The following LNPEP variants were observed in gnomAD, a reference collection of about 807,000 sequenced individuals.
LNPEP encodes leucyl and cystinyl aminopeptidase.
Under a neutral mutation model 120.6 loss-of-function variants are expected in LNPEP, and 64 were observed. The ratio of observed to expected loss-of-function variants is 0.53; its 90% CI spans 0.43 to 0.65. LNPEP has a LOEUF of 0.65. Among genes scored for constraint, LNPEP ranks in the 30% least tolerant of loss-of-function variants. The pLI is 0.00. For synonymous variants in LNPEP, 435 were observed against 425.4 expected (o/e 1.02, Z -0.28); for missense variants, 1,057 against 1,200.0 (o/e 0.88, Z 1.76).
At chr5:97,005,545 G>A (rs1056049657) in intron 9 of LNPEP, among the ~76,000 whole-genome samples, 4 of 152,144 alleles carry the variant, frequency 2.6e-5, no homozygotes, top group African/African-American at 9.7e-5. Context: ...CTCTTCTGCT[G>A]CCGCTGCTCC....
At chr5:96,995,573 G>GGGTGCTAAAAAGGT (rs1790497348) in intron 6 of LNPEP, among the ~76,000 whole-genome samples, 1 of 151,456 alleles carries the variant, frequency 6.6e-6, no homozygotes, top group African/African-American at 2.4e-5. Flanking sequence ...CTGTCACCCA[G>GGGTGCTAAAAAGGT]GCTGGAATGC....
At position 97,033,095 on chromosome 5, in the gene LNPEP, T is replaced by C. The variant is rs1230197171; in HGVS notation, c.*4562T>C. The C allele has an allele frequency of 6.6e-6, 1 of 152,170 alleles. No homozygotes were observed. Among genetic ancestry groups the C allele is most frequent in the Non-Finnish European group, 1.5e-5 (1 of 68,034 alleles). 9.4% of individuals were successfully genotyped at this position (152,170 alleles called of 1,614,324 possible). A position where few individuals can be genotyped will look rare whatever the true frequency, so the allele number is the denominator to read the frequency against. On this transcript the variant is annotated 3_prime_UTR_variant, in exon 18 of 18. Coordinates refer to ENST00000231368, the MANE Select transcript of LNPEP (RefSeq NM_005575.3). ...TTGGGGTGTGGGGGAGAGTGGAGTATGTACTTAATGTATATAAATAAACTT... is the reference window on the plus strand; with the variant it reads ...TTGGGGTGTGGGGGAGAGTGGAGTACGTACTTAATGTATATAAATAAACTT...
chr5:97,035,018 A>T lies in LNPEP; in HGVS notation c.*6485A>T, dbSNP rs548420393. On this transcript the variant is annotated 3_prime_UTR_variant, in exon 18 of 18. Transcript: ENST00000231368. ...ATATTTGCTACATTCTGTGTGTTAT[A>T]TAATGTGGTACCCAGTCCTCTGCTG... is the stretch of plus-strand genomic sequence containing the variant. 1 of 152,144 alleles carries T rather than the reference A, an allele frequency of 6.6e-6. No individual in the cohort carries two copies. Among genetic ancestry groups the T allele is most frequent in the Non-Finnish European group, 1.5e-5 (1 of 68,010 alleles). 9.4% of individuals were successfully genotyped at this position (152,144 alleles called of 1,614,324 possible).
At chr5:96,964,568 A>G (rs1178380694) in intron 1 of LNPEP, among the ~76,000 whole-genome samples, 1 of 152,084 alleles carries the variant, frequency 6.6e-6, no homozygotes, top group Non-Finnish European at 1.5e-5. Flanking sequence ...GAATATACCT[A>G]TCCCTTGTTG....
At chr5:96,965,394 TCCCAACCCCAACC>T (rs1304806315) in intron 1 of LNPEP, among the ~76,000 whole-genome samples, 2 of 152,032 alleles carry the variant, frequency 1.3e-5, no homozygotes, top group African/African-American at 4.8e-5. Context: ...GAATTCTGCC[TCCCAACCCCAACC>T]CCCAACCCCA....
At position 96,998,099 on chromosome 5, in the gene LNPEP, C is replaced by G; in HGVS notation, c.1607C>G (p.Ser536Cys). The G allele has an allele frequency of 1.9e-6, 3 of 1,591,266 alleles. No individual in the cohort carries two copies. Among genetic ancestry groups the G allele is most frequent in the Non-Finnish European group, 2.6e-6 (3 of 1,163,908 alleles). The change falls in exon 8 of 18, where the codon TCT becomes TGT. Residue 536 changes from serine to cysteine, a missense_variant. Transcript: ENST00000231368. ...SSHPISSSVQ[S>C]SEQIEEMFDS... ...CATCCAATATCATCATCTGTTCAGT[C>G]TTCAGAACAAATTGAAGAAATGTTT... is the stretch of plus-strand genomic sequence containing the variant.
intron 13 of LNPEP, among the ~76,000 whole-genome samples, chr5:97,021,923 G>GTTTTTTTTTTTTT (rs1165456605): frequency 3.7e-4 from 21 of 57,190 alleles, no homozygotes; most frequent in East Asian, 7.2e-4. Context: ...TTTGTCTTTT[G>GTTTTTTTTTTTTT]TTTTTTTTTT....
intron 6 of LNPEP, among the ~76,000 whole-genome samples, chr5:96,995,694 T>G (rs189040322): frequency 6.6e-6 from 1 of 152,184 alleles, no homozygotes; most frequent in East Asian, 1.9e-4. Flanking sequence ...ATGCCTGGCT[T>G]AATTTTTTTG....
chr5:97,028,247 C>T (rs1791392865), intron 17 of LNPEP, among the ~76,000 whole-genome samples, 155 bp from the exon 18 acceptor site: 1 of 152,154 alleles, frequency 6.6e-6, no homozygotes, highest in African/African-American at 2.4e-5. Flanking sequence ...ATTGGGAACT[C>T]CATGTAGATA....
At chr5:96,983,141 G>C (rs758686020) in intron 2 of LNPEP, among the ~76,000 whole-genome samples, 2 of 152,114 alleles carry the variant, frequency 1.3e-5, no homozygotes, top group Non-Finnish European at 2.9e-5. Context: ...AAAGTCATGT[G>C]GTTAGTAAAT....
intron 8 of LNPEP, among the ~76,000 whole-genome samples, chr5:97,000,005 C>T (rs899352440): frequency 2.6e-5 from 4 of 152,056 alleles, no homozygotes; most frequent in African/African-American, 9.7e-5. Context: ...AACCATATAC[C>T]AGCCATTGTT....
Position 96,979,490 on chromosome 5 carries a change from AATC to A in LNPEP, c.375_377del (p.Ile125del). ...TTGTCATCGTGGTTGCTGTTTCTGT[AATC>A]ATGGTGATTTACTTACTGCCCAGAT... On this transcript the variant is annotated inframe_deletion, in exon 2 of 18. Coordinates refer to ENST00000231368, the MANE Select transcript of LNPEP (RefSeq NM_005575.3). 1 of 1,614,086 alleles carries A rather than the reference AATC, an allele frequency of 6.2e-7. No homozygotes were observed. The highest frequency in any genetic ancestry group is 8.5e-7 in the Non-Finnish European group (1 of 1,179,974).
intron 1 of LNPEP, among the ~76,000 whole-genome samples, chr5:96,972,173 G>C (rs971973653): frequency 9.2e-5 from 14 of 152,084 alleles, no homozygotes; most frequent in African/African-American, 3.4e-4. Flanking sequence ...TTTTAAGGCA[G>C]ATCTGTGGAA....
intron 2 of LNPEP, among the ~76,000 whole-genome samples, chr5:96,981,962 A>G (rs1362162426): frequency 2.0e-5 from 3 of 152,128 alleles, no homozygotes; most frequent in African/African-American, 7.2e-5. Flanking sequence ...CTCACCTGCC[A>G]TGGTGAACTT....
intron 2 of LNPEP, among the ~76,000 whole-genome samples, chr5:96,981,450 CAT>C (rs1790122385): frequency 6.6e-6 from 1 of 152,004 alleles, no homozygotes; most frequent in Admixed American, 6.6e-5. Context: ...CTTAAAGAAA[CAT>C]ATTTCATTTT....
chr5:96,962,634 T>C (rs1789630737), intron 1 of LNPEP: 1 of 143,760 alleles, frequency 7.0e-6, no homozygotes, highest in Admixed American at 7.2e-5. Context: ...CTTTTTCTTT[T>C]CTTTATTCTT....
Position 97,032,535 on chromosome 5 carries a change from T to C in LNPEP, c.*4002T>C, listed in dbSNP as rs1791491386. On this transcript the variant is annotated 3_prime_UTR_variant, in exon 18 of 18. Coordinates refer to ENST00000231368, the MANE Select transcript of LNPEP (RefSeq NM_005575.3). The stretch of plus-strand genomic sequence containing the variant: ...TATTATTTCATTTTGTATATTTTTT[T>C]CCTGATGAAGAGTGATATATCATCC... The C allele has an allele frequency of 6.6e-6, 1 of 152,224 alleles. No individual in the cohort carries two copies. The highest frequency in any genetic ancestry group is 6.5e-5 in the Admixed American group (1 of 15,274). 9.4% of individuals were successfully genotyped at this position (152,224 alleles called of 1,614,324 possible).
intron 1 of LNPEP, among the ~76,000 whole-genome samples, chr5:96,959,289 A>G (rs1789541794): frequency 6.6e-6 from 1 of 152,238 alleles, no homozygotes; most frequent in Non-Finnish European, 1.5e-5. Flanking sequence ...CTGATGAAGT[A>G]GACAAGTGGC....
rs139978612 is a variant in LNPEP, at chr5:96,949,756, A to G, written c.19+13582A>G. ...AACACAGTTCTTTTATATTTGCTAC[A>G]ATGGTTGGCGTCTAACATAGTGTTT... On this transcript the variant is annotated intron_variant, in intron 1 of 17. Coordinates refer to ENST00000231368, the MANE Select transcript of LNPEP (RefSeq NM_005575.3). Among the ~76,000 whole-genome samples the G allele has an allele frequency of 4.6e-3, 698 of 152,350 alleles. 2 individuals are homozygous for G. Among genetic ancestry groups the G allele is most frequent in the African/African-American group, 0.016 (664 of 41,574 alleles).
Sources: gnomAD v4.1 joint callset for allele counts (sites outside exome capture counted in the v4.1 genomes callset) on GRCh38, gnomAD v4.1.1 for gene constraint, MANE v1.5 for transcripts, NCBI Gene and HGNC (gene_info 2026-07-23, HGNC 2026-07-21) for gene names.